RGS7BP: variants seen among roughly 807,000 people sequenced by gnomAD.
RGS7BP encodes regulator of G protein signaling 7 binding protein, also known as regulator of G protein signaling 7-binding protein.
In RGS7BP, 9 loss-of-function variants were observed where a neutral mutation model predicts 31.3. The observed-to-expected ratio is 0.29, with a 90% CI of 0.17 to 0.50. The LOEUF (loss-of-function observed/expected upper bound fraction) is 0.50. Ranked by LOEUF, RGS7BP falls within the 20% of genes least tolerant of loss-of-function variation. The probability of loss-of-function intolerance (pLI) is 0.98; values close to 1 mark genes in which losing one functional copy is unlikely to be tolerated. For missense variants in RGS7BP, 274 were observed against 322.0 expected, an observed-to-expected ratio of 0.85 and a Z score of 1.14; for synonymous variants, 115 against 120.1, an observed-to-expected ratio of 0.96 and a Z score of 0.28.
chr5:64,586,307 C>A (rs1036718117), intron 3 of RGS7BP, among the ~76,000 whole-genome samples: 1 of 152,100 alleles, frequency 6.6e-6, no homozygotes, highest in Non-Finnish European at 1.5e-5. Context: ...CACCAGTAAT[C>A]CCCACCTCGC....
rs1743521986 is a variant in RGS7BP at position 64,612,140 on chromosome 5, A to G, written c.*2888A>G. 6.6e-6 allele frequency: 1 copy of G among 151,128 alleles called. No homozygotes were observed. The highest frequency in any genetic ancestry group is 2.1e-4 in the South Asian group (1 of 4,688). 9.4% of individuals were successfully genotyped at this position (151,128 alleles called of 1,614,324 possible). On this transcript the variant is annotated 3_prime_UTR_variant, in exon 6 of 6. Transcript: ENST00000334025. ...GTTCTTTGTGGGAAATCTGAAAAAT[A>G]CTACCAAATAGAAAATAAAAATCAC...
chr5:64,570,421 T>G (rs1368819949), intron 2 of RGS7BP, among the ~76,000 whole-genome samples: 2 of 152,184 alleles, frequency 1.3e-5, no homozygotes, highest in African/African-American at 4.8e-5. Context: ...AAACCTATAT[T>G]TAAATCTAAG....
chr5:64,533,437 T>C (rs1749423129), intron 2 of RGS7BP, among the ~76,000 whole-genome samples: 1 of 152,210 alleles, frequency 6.6e-6, no homozygotes, highest in Non-Finnish European at 1.5e-5. Context: ...ACACGAGTTC[T>C]TAAGTTTTTC....
At chr5:64,540,013 G>C (rs982964039) in intron 2 of RGS7BP, among the ~76,000 whole-genome samples, 1 of 152,114 alleles carries the variant, frequency 6.6e-6, no homozygotes, top group Admixed American at 6.5e-5. Context: ...TTTTAATGAA[G>C]ATTCTTTTTG....
At chr5:64,591,431 C>A (rs1046602999) in intron 3 of RGS7BP, among the ~76,000 whole-genome samples, 2 of 152,110 alleles carry the variant, frequency 1.3e-5, no homozygotes, top group African/African-American at 4.8e-5. Flanking sequence ...CAATGAGATT[C>A]TATTTCTCCC....
rs116484692 is a variant in RGS7BP at position 64,519,770 on chromosome 5, G to A, written c.332+11893G>A. Among the ~76,000 whole-genome samples the A allele has an allele frequency of 2.4e-3, 360 of 152,238 alleles. 3 individuals carry two copies. Among genetic ancestry groups the A allele is most frequent in the African/African-American group, 7.9e-3 (329 of 41,546 alleles). ...ATGAATAGGATTCATCTGAAATAAC[G>A]TTTACCTACAACCTGGGAAGATACT... is the stretch of plus-strand genomic sequence containing the variant. On this transcript the variant is annotated intron_variant, in intron 2 of 5. Coordinates refer to ENST00000334025, the MANE Select transcript of RGS7BP (RefSeq NM_001029875.3).
intron 2 of RGS7BP, among the ~76,000 whole-genome samples, chr5:64,570,077 C>CT (rs967353501): frequency 6.6e-6 from 1 of 151,956 alleles, no homozygotes; most frequent in Non-Finnish European, 1.5e-5. Flanking sequence ...TGAGGTCACA[C>CT]TTTTTTTTCC....
rs989790786 is a variant in RGS7BP, at chr5:64,605,922, T to C, written c.683-3239T>C. Among the ~76,000 whole-genome samples, 30 of 148,430 alleles carry C rather than the reference T, an allele frequency of 2.0e-4. 2 individuals carry two copies. Among genetic ancestry groups the C allele is most frequent in the African/African-American group, 6.4e-4 (26 of 40,516 alleles). ...ATATATGTATATCTGGATACATATA[T>C]ATATGCTATATATATGTATATCTGG... On this transcript the variant is annotated intron_variant, in intron 5 of 5. Coordinates refer to ENST00000334025, the MANE Select transcript of RGS7BP (RefSeq NM_001029875.3).
intron 3 of RGS7BP, among the ~76,000 whole-genome samples, chr5:64,585,749 C>T (rs747925023): frequency 6.6e-6 from 1 of 152,166 alleles, no homozygotes. Flanking sequence ...TCAAACATGC[C>T]TATTACATTA....
intron 3 of RGS7BP, among the ~76,000 whole-genome samples, chr5:64,584,030 G>A (rs1259209230): frequency 6.6e-6 from 1 of 152,176 alleles, no homozygotes; most frequent in Non-Finnish European, 1.5e-5. Flanking sequence ...AATGAGGTAA[G>A]TTGCCCAAGG....
At chr5:64,600,453 CTT>C (rs946646085) in intron 5 of RGS7BP, among the ~76,000 whole-genome samples, 1 of 152,086 alleles carries the variant, frequency 6.6e-6, no homozygotes, top group East Asian at 1.9e-4. Context: ...TTTTATGTGA[CTT>C]TGTATCATCT....
intron 2 of RGS7BP, among the ~76,000 whole-genome samples, chr5:64,565,406 T>A (rs1355102528): frequency 1.3e-5 from 2 of 152,192 alleles, no homozygotes; most frequent in Non-Finnish European, 2.9e-5. Context: ...CAAGGAAATA[T>A]ACAAAAATGT....
At chr5:64,565,965 C>A (rs530769406) in intron 2 of RGS7BP, among the ~76,000 whole-genome samples, 33 of 152,146 alleles carry the variant, frequency 2.2e-4, no homozygotes, top group African/African-American at 7.7e-4. Context: ...AAGACAATAA[C>A]ACTCCAGGAT....
intron 2 of RGS7BP, among the ~76,000 whole-genome samples, chr5:64,513,371 TG>T (rs908583572): frequency 6.6e-6 from 1 of 152,014 alleles, no homozygotes; most frequent in Admixed American, 6.6e-5. Flanking sequence ...TGCCTTTTTC[TG>T]GGGGGGTTGG....
intron 3 of RGS7BP, among the ~76,000 whole-genome samples, chr5:64,578,742 G>A (rs530505976): frequency 3.0e-4 from 45 of 152,312 alleles, no homozygotes; most frequent in African/African-American, 1.0e-3. Context: ...TGCCTGTGAT[G>A]AATGTGATCT....
At chr5:64,559,930 G>GA (rs1319821051) in intron 2 of RGS7BP, among the ~76,000 whole-genome samples, 1 of 152,062 alleles carries the variant, frequency 6.6e-6, no homozygotes, top group Non-Finnish European at 1.5e-5. Flanking sequence ...CAAAATCCTG[G>GA]AAAAACACTC....
intron 2 of RGS7BP, among the ~76,000 whole-genome samples, chr5:64,531,842 G>A (rs543677654): frequency 2.0e-5 from 3 of 152,294 alleles, no homozygotes; most frequent in Middle Eastern, 3.4e-3. Flanking sequence ...AGGTAATTTA[G>A]AGAACTCCTT....
intron 3 of RGS7BP, among the ~76,000 whole-genome samples, chr5:64,578,916 A>G (rs1742508145): frequency 6.6e-6 from 1 of 152,250 alleles, no homozygotes; most frequent in Non-Finnish European, 1.5e-5. Context: ...CCAAATCAGA[A>G]ATGCCTCTAA....
intron 2 of RGS7BP, among the ~76,000 whole-genome samples, chr5:64,556,249 CTGAG>C (rs1169206128): frequency 1.3e-5 from 2 of 151,762 alleles, no homozygotes; most frequent in East Asian, 3.9e-4. Flanking sequence ...ACTAATGAGG[CTGAG>C]TATTTTTATG....
Sources: gnomAD v4.1 joint callset for allele counts (sites outside exome capture counted in the v4.1 genomes callset) on GRCh38, gnomAD v4.1.1 for gene constraint, MANE v1.5 for transcripts, NCBI Gene and HGNC (gene_info 2026-07-23, HGNC 2026-07-21) for gene names.